ASTN2: variants seen among roughly 807,000 people sequenced by gnomAD.
ASTN2 encodes astrotactin-2.
ASTN2 carries 54 observed loss-of-function variants against 139.8 expected under a neutral mutation model. The observed-to-expected ratio is 0.39, with a 90% CI of 0.31 to 0.48. ASTN2 has a LOEUF of 0.48. ASTN2 is among the 20% of genes least tolerant of loss of function. The pLI is 0.95. For missense variants in ASTN2, 1,565 were observed against 1,725.1 expected (o/e 0.91, Z 1.64); for synonymous variants, 756 against 719.5 (o/e 1.05, Z -0.81).
intron 10 of ASTN2, among the ~76,000 whole-genome samples, chr9:116,906,542 T>C (rs1834167296): frequency 6.6e-6 from 1 of 152,122 alleles, no homozygotes; most frequent in Non-Finnish European, 1.5e-5. Context: ...ATGCCAGGTG[T>C]CTGGGCAGCC....
chr9:117,315,067 A>C (rs1227362074), intron 1 of ASTN2, among the ~76,000 whole-genome samples: 1 of 151,116 alleles, frequency 6.6e-6, no homozygotes, highest in Non-Finnish European at 1.5e-5. Context: ...AGTAATACCA[A>C]ATGCTTACTC....
At chr9:117,201,436 G>A (rs1476817180) in intron 3 of ASTN2, among the ~76,000 whole-genome samples, 1 of 152,070 alleles carries the variant, frequency 6.6e-6, no homozygotes, top group African/African-American at 2.4e-5. Flanking sequence ...ATGTTAGGGT[G>A]TCAATCTGAG....
At chr9:116,962,247 C>T (rs912767085) in intron 10 of ASTN2, among the ~76,000 whole-genome samples, 2 of 152,206 alleles carry the variant, frequency 1.3e-5, no homozygotes, top group Non-Finnish European at 2.9e-5. Context: ...GGCATCCTAT[C>T]CACACACTGC....
intron 1 of ASTN2, among the ~76,000 whole-genome samples, chr9:117,349,985 C>T (rs116500904): frequency 0.014 from 2,166 of 152,140 alleles, 56 homozygotes; most frequent in African/African-American, 0.05. Context: ...TGGTGGAAAC[C>T]GAGTAAAATC....
At chr9:116,891,926 A>C (rs1833772130) in intron 10 of ASTN2, among the ~76,000 whole-genome samples, 1 of 152,240 alleles carries the variant, frequency 6.6e-6, no homozygotes, top group Non-Finnish European at 1.5e-5. Flanking sequence ...TTCAAGGTAT[A>C]TAAGCTATTA....
At chr9:117,101,558 TA>T (rs1403622926) in intron 4 of ASTN2, among the ~76,000 whole-genome samples, 1 of 152,102 alleles carries the variant, frequency 6.6e-6, no homozygotes, top group Admixed American at 6.5e-5. Context: ...GAAGGTGAGC[TA>T]AACACATGCC....
chr9:116,870,228 T>G (rs924279125), intron 10 of ASTN2, among the ~76,000 whole-genome samples: 1 of 152,192 alleles, frequency 6.6e-6, no homozygotes, highest in African/African-American at 2.4e-5. Context: ...AGTGTTGGAG[T>G]TAGGAGTTGA....
chr9:117,404,879 GAAGA>G (rs970406671), intron 1 of ASTN2, among the ~76,000 whole-genome samples: 1 of 152,092 alleles, frequency 6.6e-6, no homozygotes. Flanking sequence ...AGGGGATGGG[GAAGA>G]AAGGAGGGAA....
At chr9:117,086,657 C>T (rs1284749871) in intron 5 of ASTN2, among the ~76,000 whole-genome samples, 2 of 152,116 alleles carry the variant, frequency 1.3e-5, no homozygotes, top group Non-Finnish European at 2.9e-5. Context: ...GCTCTTCCTC[C>T]TCCTGTCCCT....
intron 3 of ASTN2, among the ~76,000 whole-genome samples, chr9:117,153,543 C>G (rs1350366884): frequency 6.6e-6 from 1 of 152,066 alleles, no homozygotes; most frequent in African/African-American, 2.4e-5. Context: ...GTGAGGCAAA[C>G]AGAGCTTAAT....
chr9:116,863,666 G>A lies in ASTN2; in HGVS notation c.1957C>T (p.Arg653Cys), dbSNP rs759200691. 4 of 1,614,044 alleles carry A rather than the reference G, an allele frequency of 2.5e-6. No individual in the cohort carries two copies. Among genetic ancestry groups the A allele is most frequent in the Admixed American group, 1.7e-5 (1 of 60,000 alleles). The part of the protein sequence containing the change: ...NDLLSSFGPV[R>C]DCSRNNGGCT... ...CCCCCATTGTTCCGAGAGCAGTCACGAACTGGCCCGAAGGAAGACAGCAGG... is the reference window on the plus strand; with the variant it reads ...CCCCCATTGTTCCGAGAGCAGTCACAAACTGGCCCGAAGGAAGACAGCAGG... Residue 653 changes from arginine to cysteine, a missense_variant, in exon 11 of 23, where the codon CGT becomes TGT. Arg to Cys is a radical substitution (Grantham distance 180). Transcript: ENST00000313400.
Position 116,510,676 on chromosome 9 carries a change from G to A in ASTN2, c.3356-23176C>T, listed in dbSNP as rs189146914. Among the ~76,000 whole-genome samples, 896 of 151,994 alleles carry A rather than the reference G, an allele frequency of 5.9e-3. 5 individuals are homozygous for A. Among genetic ancestry groups the A allele is most frequent in the African/African-American group, 0.021 (868 of 41,470 alleles). On this transcript the variant is annotated intron_variant, in intron 19 of 22. Coordinates refer to ENST00000313400, the MANE Select transcript of ASTN2 (RefSeq NM_001365068.1). ...ATTTGTTTGTAACCTCTTTTATTTC[G>A]TTGAGCAGTGGTTTGCAGTTCTCCT...
At chr9:117,253,236 C>T (rs1009351637) in intron 2 of ASTN2, among the ~76,000 whole-genome samples, 6 of 152,132 alleles carry the variant, frequency 3.9e-5, no homozygotes, top group African/African-American at 1.2e-4. Context: ...TCCATTTGTT[C>T]AAAGGGGCTA....
intron 3 of ASTN2, 138 bp downstream of exon 3, chr9:117,214,220 C>G (rs1832233224): frequency 9.5e-7 from 1 of 1,057,784 alleles, no homozygotes; most frequent in Admixed American, 2.3e-5. Flanking sequence ...GATAACCCAA[C>G]AGAAATCTAA....
chr9:117,213,461 C>A (rs998815188), intron 3 of ASTN2, among the ~76,000 whole-genome samples: 2 of 152,090 alleles, frequency 1.3e-5, no homozygotes, highest in Admixed American at 1.3e-4. Context: ...ATTCCCAATG[C>A]AAAGAAATGA....
chr9:116,981,161 T>C (rs1389358361), intron 7 of ASTN2, among the ~76,000 whole-genome samples: 1 of 152,204 alleles, frequency 6.6e-6, no homozygotes, highest in African/African-American at 2.4e-5. Flanking sequence ...TACTTGCCTG[T>C]TCCCCCACTA....
chr9:117,061,033 G>GGGTTGGAATCATGGGGCTGAAA (rs1839274479), intron 5 of ASTN2, among the ~76,000 whole-genome samples: 1 of 152,138 alleles, frequency 6.6e-6, no homozygotes, highest in Non-Finnish European at 1.5e-5. Flanking sequence ...GCATACCACT[G>GGGTTGGAATCATGGGGCTGAAA]GGTTGGAATC....
intron 20 of ASTN2, among the ~76,000 whole-genome samples, chr9:116,446,255 GGAGA>G (rs373227100): frequency 2.5e-4 from 28 of 113,934 alleles, no homozygotes; most frequent in African/African-American, 7.4e-4. Flanking sequence ...GAGGGGAGAG[GGAGA>G]GAGAGAGAGA....
intron 1 of ASTN2, among the ~76,000 whole-genome samples, chr9:117,369,752 A>G (rs1377213501): frequency 6.6e-6 from 1 of 152,140 alleles, no homozygotes. Flanking sequence ...AAGTGAGTGA[A>G]GTCTTATAGG....
Sources: gnomAD v4.1 joint callset for allele counts (sites outside exome capture counted in the v4.1 genomes callset) on GRCh38, gnomAD v4.1.1 for gene constraint, MANE v1.5 for transcripts, NCBI Gene and HGNC (gene_info 2026-07-23, HGNC 2026-07-21) for gene names.